Variants in FSTL4 observed in about 807,000 individuals in gnomAD.
The protein encoded by FSTL4 is follistatin like 4.
FSTL4 carries 28 observed loss-of-function variants against 78.2 expected under a neutral mutation model. The observed-to-expected ratio is 0.36, with a 90% CI of 0.27 to 0.49. The LOEUF is 0.49. Ranked by LOEUF, FSTL4 falls within the 20% of genes least tolerant of loss-of-function variation. FSTL4 has a pLI of 0.98. For missense variants in FSTL4, 922 were observed against 1,084.9 expected (o/e 0.85, Z 2.11); for synonymous variants, 422 against 440.5 (o/e 0.96, Z 0.53).
At chr5:133,824,444 T>A in the FSTL4 span, among the ~76,000 whole-genome samples, 1 of 152,192 alleles carries the variant, frequency 6.6e-6, no homozygotes, top group African/African-American at 2.4e-5. Flanking sequence ...CCACCAGCCA[T>A]CTCAGAAGCA....
chr5:133,772,381 C>T, the FSTL4 span, among the ~76,000 whole-genome samples: 1 of 152,178 alleles, frequency 6.6e-6, no homozygotes, highest in East Asian at 1.9e-4. Flanking sequence ...TGCAAGAATC[C>T]AAAATACCAG....
At chr5:133,317,714 G>C (rs926075101) in intron 4 of FSTL4, among the ~76,000 whole-genome samples, 6 of 152,252 alleles carry the variant, frequency 3.9e-5, no homozygotes, top group Non-Finnish European at 7.3e-5. Context: ...CTTGGGCAGG[G>C]TGCCTCAGTG....
rs146094639 is a variant in FSTL4 at position 133,433,990 on chromosome 5, G to A, written c.161-33004C>T. Among the ~76,000 whole-genome samples, 13 of 152,280 alleles carry A rather than the reference G, an allele frequency of 8.5e-5. No homozygotes were observed. The East Asian group carries it at 2.5e-3, about 29-fold the overall frequency. ...TTAGGATTTTTTTTCAAGGTGTGAT[G>A]GGAAAGCCCTGGAGGGTTTTAAGCA... On this transcript the variant is annotated intron_variant, in intron 3 of 15. Transcript: ENST00000265342.
At chr5:133,528,761 T>G (rs1483554685) in intron 3 of FSTL4, among the ~76,000 whole-genome samples, 1 of 152,240 alleles carries the variant, frequency 6.6e-6, no homozygotes, top group African/African-American at 2.4e-5. Context: ...TCCATTATAG[T>G]GCATGGTTCC....
intron 3 of FSTL4, among the ~76,000 whole-genome samples, chr5:133,530,730 C>G (rs1759233778): frequency 6.6e-6 from 1 of 152,156 alleles, no homozygotes; most frequent in African/African-American, 2.4e-5. Flanking sequence ...CAACAGGGAC[C>G]CTTCACCATG....
intron 8 of FSTL4, among the ~76,000 whole-genome samples, chr5:133,226,918 T>G (rs993400633): frequency 6.6e-6 from 1 of 152,042 alleles, no homozygotes; most frequent in African/African-American, 2.4e-5. Flanking sequence ...GTGATGCATG[T>G]GGGGTGGGCA....
At chr5:133,476,326 C>T (rs1302915103) in intron 3 of FSTL4, among the ~76,000 whole-genome samples, 5 of 152,162 alleles carry the variant, frequency 3.3e-5, no homozygotes, top group Non-Finnish European at 5.9e-5. Flanking sequence ...TATGGCCCCT[C>T]GACCGCCTTG....
chr5:133,340,338 T>G (rs78031117), intron 4 of FSTL4, among the ~76,000 whole-genome samples: 2,336 of 152,114 alleles, frequency 0.015, 23 homozygotes, highest in Non-Finnish European at 0.025. Flanking sequence ...GTGTGGGGTG[T>G]GTGGAAGGTT....
chr5:133,678,688 G>A, the FSTL4 span, among the ~76,000 whole-genome samples: 26 of 152,292 alleles, frequency 1.7e-4, no homozygotes, highest in South Asian at 5.4e-3. Context: ...TTGGACTTCA[G>A]GGAGAGAAGT....
the FSTL4 span, among the ~76,000 whole-genome samples, chr5:133,683,500 A>G: frequency 6.6e-6 from 1 of 152,146 alleles, no homozygotes; most frequent in African/African-American, 2.4e-5. Context: ...GAGCCACACC[A>G]TATAAATCAA....
intron 4 of FSTL4, among the ~76,000 whole-genome samples, chr5:133,339,011 C>A (rs1754529253): frequency 6.6e-6 from 1 of 152,192 alleles, no homozygotes; most frequent in Non-Finnish European, 1.5e-5. Context: ...GGGGCTCCCA[C>A]TGCCTTCGGG....
chr5:133,753,107 A>C, the FSTL4 span, among the ~76,000 whole-genome samples: 1 of 152,204 alleles, frequency 6.6e-6, no homozygotes, highest in Non-Finnish European at 1.5e-5. Context: ...CAACAAAAAG[A>C]AAAAGTCTTT....
chr5:133,409,959 G>A lies in FSTL4; in HGVS notation c.161-8973C>T, dbSNP rs1756446336. On this transcript the variant is annotated intron_variant, in intron 3 of 15. Coordinates refer to ENST00000265342, the MANE Select transcript of FSTL4 (RefSeq NM_015082.2). ...GGGCTGTATAGAGATCCCTGAGATG[G>A]AAAAAATTATCCCACATCTGTGAAT... is the stretch of plus-strand genomic sequence containing the variant. Among the ~76,000 whole-genome samples the A allele has an allele frequency of 2.6e-5, 4 of 152,148 alleles. No homozygotes were observed. The South Asian group carries it at 8.3e-4, about 31-fold the overall frequency.
intron 3 of FSTL4, among the ~76,000 whole-genome samples, chr5:133,464,910 A>G (rs530990240): frequency 1.3e-5 from 2 of 152,150 alleles, no homozygotes; most frequent in African/African-American, 4.8e-5. Flanking sequence ...ACTCAACCAC[A>G]TCTATAATAC....
At chr5:133,523,933 T>C (rs990461265) in intron 3 of FSTL4, among the ~76,000 whole-genome samples, 5 of 152,250 alleles carry the variant, frequency 3.3e-5, no homozygotes, top group Non-Finnish European at 7.3e-5. Context: ...TAACAATTGC[T>C]GTGAAGAAGC....
Position 133,403,015 on chromosome 5 carries a change from C to T in FSTL4, c.161-2029G>A, listed in dbSNP as rs535503145. 2.3e-4 allele frequency among the ~76,000 whole-genome samples: 35 copies of T among 152,270 alleles called. 1 individual carries two copies. The East Asian group carries it at 3.3e-3, about 14-fold the overall frequency. On this transcript the variant is annotated intron_variant, in intron 3 of 15. Coordinates refer to ENST00000265342, the MANE Select transcript of FSTL4 (RefSeq NM_015082.2). ...GCCCCCCACTCACGGTGTTTATGGCCGCTTTGCCATGGAGCATATTTGATT... is the reference window on the plus strand; with the variant it reads ...GCCCCCCACTCACGGTGTTTATGGCTGCTTTGCCATGGAGCATATTTGATT...
chr5:133,311,263 G>A (rs1054700437), intron 6 of FSTL4, among the ~76,000 whole-genome samples: 1 of 152,070 alleles, frequency 6.6e-6, no homozygotes, highest in African/African-American at 2.4e-5. Context: ...AAACACCTCC[G>A]CAGCAGGATA....
intron 14 of FSTL4, among the ~76,000 whole-genome samples, chr5:133,209,134 G>A (rs1750622341): frequency 6.6e-6 from 1 of 152,236 alleles, no homozygotes; most frequent in South Asian, 2.1e-4. Flanking sequence ...CTTTATTGTG[G>A]TGTCCAGGCT....
At chr5:133,638,257 C>T in the FSTL4 span, among the ~76,000 whole-genome samples, 11 of 152,230 alleles carry the variant, frequency 7.2e-5, no homozygotes, top group African/African-American at 1.2e-4. Flanking sequence ...CAGTTGCATC[C>T]GGAGCTCCCT....
Sources: gnomAD v4.1 joint callset for allele counts (sites outside exome capture counted in the v4.1 genomes callset) on GRCh38, gnomAD v4.1.1 for gene constraint, MANE v1.5 for transcripts, NCBI Gene and HGNC (gene_info 2026-07-23, HGNC 2026-07-21) for gene names.